Variants in ABLIM1 observed in about 807,000 individuals in gnomAD.
ABLIM1 encodes actin-binding LIM protein 1.
A neutral mutation model predicts 107.0 loss-of-function variants in ABLIM1; 40 were observed. The ratio of observed to expected loss-of-function variants is 0.37; its 90% CI spans 0.29 to 0.49. The LOEUF (loss-of-function observed/expected upper bound fraction) is 0.49, where lower values mean the gene tolerates loss of function less well. Among genes scored for constraint, ABLIM1 ranks in the 20% least tolerant of loss-of-function variants. ABLIM1 has a pLI of 0.97. For synonymous variants in ABLIM1, 357 were observed against 357.3 expected (o/e 1.00, Z 0.01); for missense variants, 857 against 1,008.5 (o/e 0.85, Z 2.04).
chr10:114,600,202 CGT>C (rs1187404340), intron 2 of ABLIM1, among the ~76,000 whole-genome samples: 3 of 152,128 alleles, frequency 2.0e-5, no homozygotes, highest in Admixed American at 6.5e-5. Context: ...AGCCACACAA[CGT>C]GACAGCCCAG....
chr10:114,504,508 C>T (rs183501265), intron 6 of ABLIM1, among the ~76,000 whole-genome samples: 42 of 152,096 alleles, frequency 2.8e-4, no homozygotes, highest in Non-Finnish European at 4.7e-4. Context: ...AGAAGCTAAC[C>T]GCCTGGTAAG....
At chr10:114,645,408 T>G (rs527905049) in intron 1 of ABLIM1, among the ~76,000 whole-genome samples, 27 of 152,196 alleles carry the variant, frequency 1.8e-4, no homozygotes, top group African/African-American at 6.5e-4. Context: ...CTACCAGTGA[T>G]TCCTAGGATC....
intron 1 of ABLIM1, among the ~76,000 whole-genome samples, chr10:114,618,712 A>G (rs995918136): frequency 1.3e-5 from 2 of 152,220 alleles, no homozygotes; most frequent in Non-Finnish European, 2.9e-5. Context: ...CTCGTCTCCA[A>G]TGCTGCTCCT....
At chr10:114,640,077 C>T (rs116039989) in intron 1 of ABLIM1, among the ~76,000 whole-genome samples, 288 of 152,338 alleles carry the variant, frequency 1.9e-3, no homozygotes, top group African/African-American at 6.7e-3. Flanking sequence ...TGTTAGTTCC[C>T]TATATTAGCC....
chr10:114,615,722 AAC>A, intron 1 of ABLIM1: 1 of 354,814 alleles, frequency 2.8e-6, no homozygotes. Flanking sequence ...TGGGTTCACC[AAC>A]AGTGTCTACT....
chr10:114,778,198 T>A, the ABLIM1 span: 2 of 152,502 alleles, frequency 1.3e-5, no homozygotes, highest in Non-Finnish European at 2.9e-5. Context: ...ATCCCATCTC[T>A]ACAAAAAATA....
At chr10:114,632,461 C>T (rs2078252301) in intron 1 of ABLIM1, 1 of 985,272 alleles carries the variant, frequency 1.0e-6, no homozygotes, top group Non-Finnish European at 1.2e-6. Flanking sequence ...TTCTTTCAGG[C>T]AAACTGGATA....
At chr10:114,547,887 C>T (rs2067559476) in intron 4 of ABLIM1, 111 bp from the exon 5 acceptor site, 1 of 1,388,524 alleles carries the variant, frequency 7.2e-7, no homozygotes, top group African/African-American at 1.4e-5. Flanking sequence ...TCAATATTTA[C>T]TCAAGCACCA....
chr10:114,632,153 C>A, intron 1 of ABLIM1: 1 of 985,420 alleles, frequency 1.0e-6, no homozygotes, highest in South Asian at 4.7e-5. Context: ...CGCCGAGCTG[C>A]AGCCGCGCCC....
At chr10:114,668,470 G>T (rs1287620373) in intron 1 of ABLIM1, among the ~76,000 whole-genome samples, 2 of 152,150 alleles carry the variant, frequency 1.3e-5, no homozygotes, top group Non-Finnish European at 2.9e-5. Flanking sequence ...ATGGATACTT[G>T]ATAAGGGGGA....
In ABLIM1 at chr10:114,658,244, C is replaced by A; in HGVS notation, c.-44G>T. The stretch of plus-strand genomic sequence containing the variant: ...GCAATGAGAAATGGGGAGTGGGGAC[C>A]CAAGGAGCGGTGCTGCCCCACAATT... On this transcript the variant is annotated 5_prime_UTR_variant, in exon 1 of 23. Coordinates refer to ENST00000533213, the MANE Select transcript of ABLIM1 (RefSeq NM_002313.7). The A allele has an allele frequency of 1.9e-6, 3 of 1,571,456 alleles. No individual in the cohort carries two copies. Among genetic ancestry groups the A allele is most frequent in the Non-Finnish European group, 2.6e-6 (3 of 1,155,020 alleles).
At chr10:114,474,412 A>C (rs1590128253) in intron 8 of ABLIM1, among the ~76,000 whole-genome samples, 1 of 130,560 alleles carries the variant, frequency 7.7e-6, no homozygotes, top group Admixed American at 8.5e-5. Flanking sequence ...ACGGAGTCTC[A>C]CTCTGTCGCC....
At chr10:114,765,785 T>C (rs2082878381) in intron 1 of ABLIM1, among the ~76,000 whole-genome samples, 1 of 152,160 alleles carries the variant, frequency 6.6e-6, no homozygotes, top group Non-Finnish European at 1.5e-5. Flanking sequence ...ATTCTGGTTC[T>C]CAACACTGAA....
At chr10:114,545,918 A>T (rs2067263616) in intron 5 of ABLIM1, among the ~76,000 whole-genome samples, 2 of 139,242 alleles carry the variant, frequency 1.4e-5, no homozygotes, top group Non-Finnish European at 3.1e-5. Context: ...GTGACAGCAC[A>T]AGACCCCATC....
At chr10:114,463,674 T>C (rs1214606719) in intron 12 of ABLIM1, among the ~76,000 whole-genome samples, 1 of 152,134 alleles carries the variant, frequency 6.6e-6, no homozygotes, top group Non-Finnish European at 1.5e-5. Flanking sequence ...AAGAGGTCTA[T>C]ATGATCCCGA....
intron 1 of ABLIM1, among the ~76,000 whole-genome samples, chr10:114,732,147 G>A (rs1282736520): frequency 6.7e-6 from 1 of 148,488 alleles, no homozygotes; most frequent in African/African-American, 2.5e-5. Flanking sequence ...ATATCTTTTG[G>A]GTTTGATTTG....
chr10:114,706,832 TTA>T (rs1420944692), intron 1 of ABLIM1, among the ~76,000 whole-genome samples: 2 of 152,102 alleles, frequency 1.3e-5, no homozygotes, highest in African/African-American at 4.8e-5. Context: ...CTGTGATTCA[TTA>T]TGTTTCAGTT....
At chr10:114,787,497 C>T in the ABLIM1 span, among the ~76,000 whole-genome samples, 1 of 146,690 alleles carries the variant, frequency 6.8e-6, no homozygotes, top group African/African-American at 2.5e-5. Flanking sequence ...AGGAGCCCCT[C>T]TGCCCGGCCA....
chr10:114,558,162 A>G (rs529157400), intron 4 of ABLIM1, among the ~76,000 whole-genome samples: 9 of 152,208 alleles, frequency 5.9e-5, no homozygotes, highest in Admixed American at 3.9e-4. Context: ...TCGGTAACCA[A>G]TTCTCAAGGT....
Sources: allele counts gnomAD v4.1 joint callset (sites outside exome capture counted in the v4.1 genomes callset), GRCh38; gene constraint gnomAD v4.1.1; transcripts MANE v1.5; gene names NCBI Gene and HGNC (gene_info 2026-07-23, HGNC 2026-07-21).